Variants in CEP128 observed in about 807,000 individuals in gnomAD.
CEP128 encodes the protein centrosomal protein 128kDa.
CEP128 carries 132 observed loss-of-function variants against 156.7 expected under a neutral mutation model. That is an observed-to-expected ratio of 0.84 (90% confidence interval 0.73 to 0.97). CEP128 has a LOEUF of 0.97. CEP128 is among the 50% of genes least tolerant of loss of function. The pLI is 0.00. For missense variants in CEP128, 1,252 were observed against 1,281.9 expected, an observed-to-expected ratio of 0.98 and a Z score of 0.36; for synonymous variants, 469 against 448.9, an observed-to-expected ratio of 1.04 and a Z score of -0.57.
chr14:80,802,007 G>C (rs1431428205), intron 13 of CEP128, among the ~76,000 whole-genome samples: 1 of 147,466 alleles, frequency 6.8e-6, no homozygotes, highest in Non-Finnish European at 1.5e-5. Context: ...ATGCTAGTCA[G>C]AATGGCAATT....
chr14:80,707,165 A>G (rs1226985078), intron 19 of CEP128, among the ~76,000 whole-genome samples: 1 of 152,110 alleles, frequency 6.6e-6, no homozygotes, highest in Non-Finnish European at 1.5e-5. Flanking sequence ...CATATTCTAG[A>G]CATTGTCTGT....
chr14:80,922,641 A>C (rs1248644926), intron 2 of CEP128, among the ~76,000 whole-genome samples: 3 of 152,224 alleles, frequency 2.0e-5, no homozygotes, highest in Non-Finnish European at 4.4e-5. Flanking sequence ...TTGAAGCGCA[A>C]AGACGAATTA....
At chr14:80,765,613 T>C (rs892578010) in intron 16 of CEP128, among the ~76,000 whole-genome samples, 4 of 152,180 alleles carry the variant, frequency 2.6e-5, no homozygotes, top group African/African-American at 7.2e-5. Flanking sequence ...AGGACACAGA[T>C]GCCTGGAGCT....
At chr14:80,710,250 T>C (rs560010965) in intron 19 of CEP128, among the ~76,000 whole-genome samples, 22 of 152,118 alleles carry the variant, frequency 1.4e-4, no homozygotes, top group Non-Finnish European at 2.4e-4. Context: ...CCTCACTAGA[T>C]ATATGTTACT....
chr14:80,904,860 A>G lies in CEP128; in HGVS notation c.433T>C (p.Ser145Pro), dbSNP rs770269536. 2.5e-6 allele frequency: 4 copies of G among 1,612,340 alleles called. No individual in the cohort carries two copies. The highest frequency in any genetic ancestry group is 2.7e-5 in the African/African-American group (2 of 74,888). ...GDPQGIKRMR[S>P]RTGVRFVQET... is the part of the protein sequence containing the mutation. ...TGAACAAACCGGACACCAGTTCTTG[A>G]TCTCATTCGTTTAATACCCTGTGGA... Residue 145 changes from serine to proline, a missense_variant, in exon 6 of 25, where the codon TCA (serine) becomes CCA (proline). Transcript: ENST00000555265.
At chr14:80,526,746 T>C (rs762081927) in intron 23 of CEP128, 123 bp downstream of exon 23, 66 of 542,096 alleles carry the variant, frequency 1.2e-4, no homozygotes, top group Non-Finnish European at 1.9e-4. Context: ...CTATTTAATA[T>C]ATCAAGGAAA....
intron 9 of CEP128, among the ~76,000 whole-genome samples, chr14:80,851,719 T>C (rs371035238): frequency 3.8e-4 from 58 of 152,110 alleles, no homozygotes; most frequent in African/African-American, 1.3e-3. Flanking sequence ...AAATGACTAA[T>C]GCAACCATTA....
At position 80,649,340 on chromosome 14, in the gene CEP128, G is replaced by A. The variant is rs556710398; in HGVS notation, c.2807-68917C>T. The stretch of plus-strand genomic sequence containing the variant: ...GTCGCTCACAATCTCACTTGTTAAA[G>A]AATGCCATATCTAGAAAGCATGAAA... On this transcript the variant is annotated intron_variant, in intron 19 of 24. Transcript: ENST00000555265. 5.2e-4 allele frequency among the ~76,000 whole-genome samples: 79 copies of A among 151,968 alleles called. 3 individuals are homozygous for A. In the South Asian group the frequency reaches 0.012, roughly 24 times the overall value.
At chr14:80,834,146 TAAGTAACAA>T (rs1212166805) in intron 12 of CEP128, among the ~76,000 whole-genome samples, 1 of 152,042 alleles carries the variant, frequency 6.6e-6, no homozygotes, top group African/African-American at 2.4e-5. Flanking sequence ...GCAGACATAC[TAAGTAACAA>T]AAGCCATGAG....
At chr14:80,695,609 C>T (rs575874463) in intron 19 of CEP128, among the ~76,000 whole-genome samples, 1 of 151,116 alleles carries the variant, frequency 6.6e-6, no homozygotes, top group South Asian at 2.1e-4. Context: ...CCCAGCTACT[C>T]GGGAGGCTGA....
At chr14:80,631,917 A>G (rs1893975291) in intron 19 of CEP128, among the ~76,000 whole-genome samples, 1 of 152,062 alleles carries the variant, frequency 6.6e-6, no homozygotes, top group African/African-American at 2.4e-5. Context: ...CCTCAGTGAT[A>G]TATCCAAAGT....
At chr14:80,647,011 A>ATATATATATATATATG (rs1233103116) in intron 19 of CEP128, among the ~76,000 whole-genome samples, 3 of 72,524 alleles carry the variant, frequency 4.1e-5, no homozygotes, top group Non-Finnish European at 6.5e-5. Flanking sequence ...ATATATATAT[A>ATATATATATATATATG]TGTGTGTGTA....
chr14:80,830,494 G>T, intron 13 of CEP128: 1 of 302,110 alleles, frequency 3.3e-6, no homozygotes, highest in African/African-American at 2.1e-5. Flanking sequence ...AATCTAATTT[G>T]CATAATTGTA....
Position 80,684,098 on chromosome 14 carries a change from C to T in CEP128, c.2806+58977G>A, listed in dbSNP as rs138771754. ...GAAAAAGAAATAACTGAAATCAGAA[C>T]GGAACTGAATGAAATTGAGACCCAA... On this transcript the variant is annotated intron_variant, in intron 19 of 24. Transcript: ENST00000555265. Among the ~76,000 whole-genome samples, 168 of 152,072 alleles carry T rather than the reference C, an allele frequency of 1.1e-3. 1 individual carries two copies. The highest frequency in any genetic ancestry group is 3.9e-3 in the African/African-American group (160 of 41,498).
chr14:80,712,676 A>T (rs1298541211), intron 19 of CEP128, among the ~76,000 whole-genome samples: 1 of 152,120 alleles, frequency 6.6e-6, no homozygotes, highest in Non-Finnish European at 1.5e-5. Flanking sequence ...GGGTTCTCTG[A>T]AGTGGGAGAT....
chr14:80,622,374 T>C (rs1022365637), intron 19 of CEP128, among the ~76,000 whole-genome samples: 3 of 151,158 alleles, frequency 2.0e-5, no homozygotes, highest in East Asian at 2.0e-4. Context: ...AACCTAGGCA[T>C]TACCATTCAG....
At chr14:80,638,606 C>T (rs1370069321) in intron 19 of CEP128, among the ~76,000 whole-genome samples, 1 of 152,114 alleles carries the variant, frequency 6.6e-6, no homozygotes, top group Non-Finnish European at 1.5e-5. Context: ...CTTTTCATAC[C>T]ACCTGATTTA....
At chr14:80,548,142 G>GA (rs534917084) in intron 21 of CEP128, among the ~76,000 whole-genome samples, 4,667 of 150,220 alleles carry the variant, frequency 0.031, 131 homozygotes, top group Non-Finnish European at 0.047. Flanking sequence ...GCCCAATCAT[G>GA]AAAAAAAAAT....
chr14:80,536,971 A>G (rs1159350455), intron 21 of CEP128, among the ~76,000 whole-genome samples: 1 of 152,244 alleles, frequency 6.6e-6, no homozygotes, highest in East Asian at 1.9e-4. Context: ...GCACTATGAC[A>G]TCAGTGTCTA....
Sources: gnomAD v4.1 joint callset for allele counts (sites outside exome capture counted in the v4.1 genomes callset) on GRCh38, gnomAD v4.1.1 for gene constraint, MANE v1.5 for transcripts, NCBI Gene and HGNC (gene_info 2026-07-23, HGNC 2026-07-21) for gene names.